Variants in ZBTB20 observed in about 807,000 individuals in gnomAD.
The protein encoded by ZBTB20 is zinc finger and BTB domain-containing protein 20.
A neutral mutation model predicts 56.9 loss-of-function variants in ZBTB20; 9 were observed. That is an observed-to-expected ratio of 0.16 (90% confidence interval 0.10 to 0.28). The LOEUF is 0.28. ZBTB20 is among the 10% of genes least tolerant of loss of function. The pLI is 1.00. For synonymous variants in ZBTB20, 417 were observed against 420.7 expected (o/e 0.99, Z 0.11); for missense variants, 655 against 1,003.0 (o/e 0.65, Z 4.69).
intron 5 of ZBTB20, among the ~76,000 whole-genome samples, chr3:114,770,033 T>C (rs2069086079): frequency 6.6e-6 from 1 of 151,454 alleles, no homozygotes; most frequent in Non-Finnish European, 1.5e-5. Flanking sequence ...CACTCCAGCC[T>C]GGGCAACAGA....
At chr3:114,783,862 T>C (rs188384467) in intron 5 of ZBTB20, among the ~76,000 whole-genome samples, 1 of 151,852 alleles carries the variant, frequency 6.6e-6, no homozygotes, top group African/African-American at 2.4e-5. Context: ...AAAATATGCT[T>C]AGTTTTGTGA....
intron 2 of ZBTB20, among the ~76,000 whole-genome samples, chr3:115,045,371 G>T (rs140896984): frequency 6.6e-6 from 1 of 151,654 alleles, no homozygotes; most frequent in African/African-American, 2.4e-5. Flanking sequence ...TAATTTTCCC[G>T]TAGTGGCCGA....
intron 6 of ZBTB20, among the ~76,000 whole-genome samples, chr3:114,637,380 T>C (rs2107883273): frequency 6.6e-6 from 1 of 152,170 alleles, no homozygotes; most frequent in East Asian, 1.9e-4. Flanking sequence ...GTTTGTGTAT[T>C]AAAAAAACAT....
intron 5 of ZBTB20, among the ~76,000 whole-genome samples, chr3:114,697,648 G>A (rs1204482222): frequency 6.6e-6 from 1 of 151,846 alleles, no homozygotes; most frequent in Non-Finnish European, 1.5e-5. Flanking sequence ...GTTAAGTGAT[G>A]TTGCGTAACT....
chr3:114,538,126 G>C (rs929186481), intron 6 of ZBTB20, among the ~76,000 whole-genome samples: 1 of 151,966 alleles, frequency 6.6e-6, no homozygotes, highest in Non-Finnish European at 1.5e-5. Context: ...GAACTTAAAA[G>C]TATAATAATA....
At chr3:114,474,518 T>C (rs1338697435) in intron 7 of ZBTB20, among the ~76,000 whole-genome samples, 3 of 152,274 alleles carry the variant, frequency 2.0e-5, no homozygotes, top group East Asian at 3.9e-4. Flanking sequence ...TAGTGAGGCA[T>C]AGGTGACTCA....
intron 3 of ZBTB20, among the ~76,000 whole-genome samples, chr3:114,943,910 C>CA (rs367766907): frequency 0.046 from 2,687 of 59,012 alleles, 144 homozygotes; most frequent in African/African-American, 0.074. Context: ...AAACCAACTA[C>CA]AAAAAAAAAA....
At chr3:115,105,119 T>C (rs1226003803) in intron 1 of ZBTB20, among the ~76,000 whole-genome samples, 1 of 152,120 alleles carries the variant, frequency 6.6e-6, no homozygotes, top group Non-Finnish European at 1.5e-5. Flanking sequence ...CATGCAACCA[T>C]CCTGAGTTTC....
At chr3:114,682,378 T>C (rs943934702) in intron 6 of ZBTB20, among the ~76,000 whole-genome samples, 2 of 152,192 alleles carry the variant, frequency 1.3e-5, no homozygotes, top group East Asian at 1.9e-4. Flanking sequence ...ATGCTTTCTA[T>C]ACTAAGAAAA....
At chr3:114,728,914 G>A in intron 5 of ZBTB20, among the ~76,000 whole-genome samples, 1 of 152,016 alleles carries the variant, frequency 6.6e-6, no homozygotes, top group Non-Finnish European at 1.5e-5. Flanking sequence ...ATGTCCTCAG[G>A]GGAGGGCAGT....
rs952094804 is a variant in ZBTB20 at position 115,054,486 on chromosome 3, C to T, written c.-507+16733G>A. On this transcript the variant is annotated intron_variant, in intron 2 of 11. Coordinates refer to ENST00000675478, the MANE Select transcript of ZBTB20 (RefSeq NM_001348800.3). ...CATTTTTGCACTTACTCAGTAGCAG[C>T]ATTAGAACCCAAACTCAAATCTTTT... is the stretch of plus-strand genomic sequence containing the variant. 3.7e-4 allele frequency among the ~76,000 whole-genome samples: 57 copies of T among 152,060 alleles called. 1 individual carries two copies. Among genetic ancestry groups the T allele is most frequent in the African/African-American group, 1.4e-3 (57 of 41,420 alleles).
chr3:114,473,802 C>T (rs1216877981), intron 7 of ZBTB20, among the ~76,000 whole-genome samples: 1 of 152,178 alleles, frequency 6.6e-6, no homozygotes, highest in East Asian at 1.9e-4. Flanking sequence ...GGATCTTGAT[C>T]AATCTCTTCA....
intron 6 of ZBTB20, among the ~76,000 whole-genome samples, chr3:114,554,736 T>C (rs920782798): frequency 6.6e-6 from 1 of 152,132 alleles, no homozygotes; most frequent in Non-Finnish European, 1.5e-5. Context: ...TTTGCTTACA[T>C]ATAAATTAAA....
At chr3:114,865,836 T>C (rs1266252950) in intron 4 of ZBTB20, among the ~76,000 whole-genome samples, 2 of 152,196 alleles carry the variant, frequency 1.3e-5, no homozygotes, top group Admixed American at 1.3e-4. Flanking sequence ...TCTGATTCTA[T>C]GTGACTCCGG....
intron 1 of ZBTB20, among the ~76,000 whole-genome samples, chr3:115,122,208 G>A (rs2084201787): frequency 1.3e-5 from 2 of 152,012 alleles, no homozygotes; most frequent in South Asian, 2.1e-4. Context: ...GGAAAACTTG[G>A]CAAGTAAAGA....
At chr3:114,618,683 G>T (rs767446826) in intron 6 of ZBTB20, among the ~76,000 whole-genome samples, 2 of 152,084 alleles carry the variant, frequency 1.3e-5, no homozygotes, top group Non-Finnish European at 2.9e-5. Flanking sequence ...AAGTTGAATG[G>T]GTTACTATTA....
intron 6 of ZBTB20, among the ~76,000 whole-genome samples, chr3:114,586,910 C>T (rs2055226068): frequency 6.6e-6 from 1 of 150,902 alleles, no homozygotes; most frequent in African/African-American, 2.4e-5. Context: ...ACTCTCTAAA[C>T]ATCATTTATT....
chr3:114,771,953 C>A (rs957765146), intron 5 of ZBTB20, among the ~76,000 whole-genome samples: 38 of 152,122 alleles, frequency 2.5e-4, no homozygotes, highest in African/African-American at 8.5e-4. Context: ...TCTATCTGAC[C>A]AACCTAATAA....
chr3:114,720,668 GA>G lies in ZBTB20; in HGVS notation c.-342-27094del, dbSNP rs540360406. 6.1e-3 allele frequency among the ~76,000 whole-genome samples: 934 copies of G among 151,966 alleles called. 9 individuals carry two copies. Among genetic ancestry groups the G allele is most frequent in the South Asian group, 0.031 (148 of 4,820 alleles). ...GGCTAAATTTGGAGTAACTTTTTTG[GA>G]AAAAAAGTGTTTAGAACAAGGAAAG... On this transcript the variant is annotated intron_variant, in intron 5 of 11. Transcript: ENST00000675478.
Sources: gnomAD v4.1 joint callset for allele counts (sites outside exome capture counted in the v4.1 genomes callset) on GRCh38, gnomAD v4.1.1 for gene constraint, MANE v1.5 for transcripts, NCBI Gene and HGNC (gene_info 2026-07-23, HGNC 2026-07-21) for gene names.